Variants in PHF24 observed in about 807,000 individuals in gnomAD.
The protein encoded by PHF24 is PHD finger protein 24.
PHF24 carries 25 observed loss-of-function variants against 42.6 expected under a neutral mutation model. That is an observed-to-expected ratio of 0.59 (90% CI 0.43 to 0.82). The LOEUF (loss-of-function observed/expected upper bound fraction) is 0.82, where lower values mean the gene tolerates loss of function less well. PHF24 is among the 40% of genes least tolerant of loss of function. The pLI is 0.00. For missense variants in PHF24, 470 were observed against 538.1 expected (o/e 0.87, Z 1.25); for synonymous variants, 185 against 204.8 (o/e 0.90, Z 0.83).
At chr9:34,803,592 A>C in the PHF24 span, among the ~76,000 whole-genome samples, 5 of 152,170 alleles carry the variant, frequency 3.3e-5, no homozygotes, top group Non-Finnish European at 7.4e-5. Flanking sequence ...TGGTTCTGCT[A>C]TTCTTCTGGG....
chr9:34,728,708 T>A, the PHF24 span: 1 of 1,499,296 alleles, frequency 6.7e-7, no homozygotes, highest in South Asian at 1.2e-5. Context: ...TTCTTTCTCA[T>A]GTCCAAAATG....
chr9:34,809,090 C>T, the PHF24 span, among the ~76,000 whole-genome samples: 1 of 150,890 alleles, frequency 6.6e-6, no homozygotes, highest in Non-Finnish European at 1.5e-5. The surrounding 1 kb of genome is among the most constrained non-coding windows in gnomAD (Gnocchi z 4.1). Flanking sequence ...ATAGTAAATA[C>T]TATACCTCCC....
At chr9:34,775,947 G>A in the PHF24 span, among the ~76,000 whole-genome samples, 5 of 152,088 alleles carry the variant, frequency 3.3e-5, no homozygotes, top group Admixed American at 6.6e-5. Flanking sequence ...ATGTTGCCAC[G>A]TGGATGAACC....
At chr9:34,764,444 G>A in the PHF24 span, among the ~76,000 whole-genome samples, 1 of 152,288 alleles carries the variant, frequency 6.6e-6, no homozygotes, top group Non-Finnish European at 1.5e-5. Context: ...TATGTGTCAA[G>A]GAATTTATTC....
chr9:34,840,214 TAGA>T, the PHF24 span, among the ~76,000 whole-genome samples: 2 of 152,162 alleles, frequency 1.3e-5, no homozygotes, highest in Non-Finnish European at 2.9e-5. Context: ...CTTCAAAAGG[TAGA>T]AGAAGATATA....
the PHF24 span, among the ~76,000 whole-genome samples, chr9:34,808,463 C>T: frequency 7.2e-5 from 11 of 151,996 alleles, no homozygotes; most frequent in African/African-American, 2.7e-4. Flanking sequence ...CTCTATCCCC[C>T]CGCCAAAAAA....
the PHF24 span, among the ~76,000 whole-genome samples, chr9:34,770,682 G>A: frequency 6.6e-6 from 1 of 152,064 alleles, no homozygotes. Context: ...AGAAGTTAGG[G>A]GAAGCAATAG....
chr9:34,809,942 G>C, the PHF24 span, among the ~76,000 whole-genome samples: 2 of 151,226 alleles, frequency 1.3e-5, no homozygotes, highest in Non-Finnish European at 3.0e-5. This position sits in a 1 kb window ranked among gnomAD's most constrained non-coding sequence, Gnocchi z 4.1. Context: ...CGGGGGCGCG[G>C]GGCGGAACGC....
At chr9:34,882,416 T>A in the PHF24 span, among the ~76,000 whole-genome samples, 2 of 152,114 alleles carry the variant, frequency 1.3e-5, no homozygotes, top group Non-Finnish European at 2.9e-5. Context: ...AAAGAGGAAG[T>A]CCAGTTGTCC....
chr9:34,800,742 C>T, the PHF24 span, among the ~76,000 whole-genome samples: 1 of 152,140 alleles, frequency 6.6e-6, no homozygotes, highest in Non-Finnish European at 1.5e-5. Context: ...CAATACCATT[C>T]AGGACCTAGG....
the PHF24 span, among the ~76,000 whole-genome samples, chr9:34,944,591 G>C: frequency 6.6e-6 from 1 of 152,184 alleles, no homozygotes; most frequent in African/African-American, 2.4e-5. Flanking sequence ...GGTTCAGAGG[G>C]TCTTTACAGC....
At chr9:34,923,633 G>A in the PHF24 span, among the ~76,000 whole-genome samples, 1 of 152,178 alleles carries the variant, frequency 6.6e-6, no homozygotes, top group South Asian at 2.1e-4. Flanking sequence ...ATAGTAGTCT[G>A]TAATGATCCT....
the PHF24 span, among the ~76,000 whole-genome samples, chr9:34,817,156 A>T: frequency 1.4e-4 from 21 of 152,250 alleles, no homozygotes; most frequent in Non-Finnish European, 5.9e-5. Context: ...ATTATTTTTA[A>T]CTAAGTGATT....
At chr9:34,815,644 C>T in the PHF24 span, among the ~76,000 whole-genome samples, 3 of 152,172 alleles carry the variant, frequency 2.0e-5, no homozygotes, top group Admixed American at 6.5e-5. Flanking sequence ...TAATTCTACT[C>T]AATGGATTTC....
the PHF24 span, among the ~76,000 whole-genome samples, chr9:34,853,595 G>A: frequency 4.6e-5 from 7 of 151,906 alleles, no homozygotes; most frequent in East Asian, 1.9e-4. Context: ...TTGGGAGGCC[G>A]AGGTGGGCGG....
exon 4 of PHF24, chr9:34,976,167 C>T: frequency 6.2e-7 from 1 of 1,613,958 alleles, no homozygotes; most frequent in Non-Finnish European, 8.5e-7. Context: ...CATCAACTTG[C>T]TGCTTACTGA....
chr9:34,920,171 C>T, the PHF24 span, among the ~76,000 whole-genome samples: 1 of 152,156 alleles, frequency 6.6e-6, no homozygotes, highest in Non-Finnish European at 1.5e-5. Flanking sequence ...ACATTCTCAC[C>T]AACAGTGTAG....
chr9:34,786,220 A>G, the PHF24 span, among the ~76,000 whole-genome samples: 7 of 152,230 alleles, frequency 4.6e-5, no homozygotes, highest in South Asian at 2.1e-4. Context: ...TCTTCAAGCT[A>G]TCACAGTCAC....
At position 34,970,366 on chromosome 9, in the gene PHF24, G is replaced by A. The variant is rs558925393; in HGVS notation, c.-4-929G>A. The stretch of plus-strand genomic sequence containing the variant: ...AAGCAGAAAATGTGGGAGTGACAGC[G>A]CAGCCTTAGAAGTGTGAGAGGTACC... On this transcript the variant is annotated intron_variant, in intron 1 of 7. Transcript: ENST00000242315. 1.1e-4 allele frequency among the ~76,000 whole-genome samples: 17 copies of A among 152,288 alleles called. No individual in the cohort carries two copies. The South Asian group carries it at 2.3e-3, about 20-fold the overall frequency.
Sources: allele counts gnomAD v4.1 joint callset (sites outside exome capture counted in the v4.1 genomes callset), GRCh38; gene constraint gnomAD v4.1.1; non-coding constraint Gnocchi (gnomAD v3.1); transcripts MANE v1.5; gene names NCBI Gene and HGNC (gene_info 2026-07-23, HGNC 2026-07-21).